XRCC4: variants seen among roughly 807,000 people sequenced by gnomAD.
XRCC4 encodes the protein DNA repair protein XRCC4.
Under a neutral mutation model 39.1 loss-of-function variants are expected in XRCC4, and 28 were observed. The observed-to-expected ratio is 0.72, with a 90% CI of 0.53 to 0.98. The LOEUF (loss-of-function observed/expected upper bound fraction) is 0.98. XRCC4 is among the 50% of genes least tolerant of loss of function. XRCC4 has a pLI of 0.00. For missense variants in XRCC4, 350 were observed against 376.4 expected, an observed-to-expected ratio of 0.93 and a Z score of 0.58; for synonymous variants, 123 against 126.4, an observed-to-expected ratio of 0.97 and a Z score of 0.18.
chr5:83,250,305 T>G lies in XRCC4; in HGVS notation c.746-8225T>G, dbSNP rs138900539. Among the ~76,000 whole-genome samples, 377 of 152,326 alleles carry G rather than the reference T, an allele frequency of 2.5e-3. 3 individuals carry two copies. The highest frequency in any genetic ancestry group is 8.6e-3 in the African/African-American group (358 of 41,584). ...CTTTTCCCCACTAATGTTTTTCTTT[T>G]CTTAATGTTAACTGGAACTGGCACC... On this transcript the variant is annotated intron_variant, in intron 6 of 7. Transcript: ENST00000396027.
intron 3 of XRCC4, among the ~76,000 whole-genome samples, chr5:83,163,341 A>G (rs1310171719): frequency 6.6e-6 from 1 of 152,218 alleles, no homozygotes; most frequent in Non-Finnish European, 1.5e-5. Context: ...AAGGGTCCCA[A>G]ATAAGGGTTA....
At chr5:83,088,130 T>C (rs1745264890) in intron 1 of XRCC4, among the ~76,000 whole-genome samples, 1 of 152,208 alleles carries the variant, frequency 6.6e-6, no homozygotes, top group South Asian at 2.1e-4. Context: ...GTAATTTTTT[T>C]ACCTTAGAAA....
chr5:83,305,050 C>G (rs912183845), intron 7 of XRCC4, among the ~76,000 whole-genome samples: 7 of 152,120 alleles, frequency 4.6e-5, no homozygotes, highest in African/African-American at 1.7e-4. Flanking sequence ...CAGGTAAGAA[C>G]TCTTATGTTA....
chr5:83,113,082 T>C (rs1746524971), intron 3 of XRCC4, among the ~76,000 whole-genome samples: 1 of 152,190 alleles, frequency 6.6e-6, no homozygotes, highest in Admixed American at 6.5e-5. Flanking sequence ...TCCTTCTACC[T>C]ATGAGCTTGT....
At chr5:83,326,465 A>G (rs867543828) in intron 7 of XRCC4, among the ~76,000 whole-genome samples, 1 of 152,036 alleles carries the variant, frequency 6.6e-6, no homozygotes, top group Admixed American at 6.6e-5. Flanking sequence ...TGATGTCCCT[A>G]ATTTTTTAAC....
chr5:83,112,906 G>A (rs1278034911), intron 3 of XRCC4, among the ~76,000 whole-genome samples: 1 of 152,120 alleles, frequency 6.6e-6, no homozygotes, highest in Admixed American at 6.5e-5. Flanking sequence ...TGAGATTTGG[G>A]TGGAGACACA....
At chr5:83,101,743 T>G (rs1419372719) in intron 1 of XRCC4, among the ~76,000 whole-genome samples, 1 of 152,074 alleles carries the variant, frequency 6.6e-6, no homozygotes, top group Non-Finnish European at 1.5e-5. Context: ...CTTGAATACT[T>G]AGAAGAAGAA....
At chr5:83,110,981 T>C in intron 2 of XRCC4, 47 bp from the exon 3 acceptor site, 2 of 1,530,268 alleles carry the variant, frequency 1.3e-6, no homozygotes, top group Admixed American at 4.2e-5. Flanking sequence ...TTCTCATGTG[T>C]AGTCATTTAC....
intron 3 of XRCC4, among the ~76,000 whole-genome samples, chr5:83,113,792 A>C (rs1746567036): frequency 6.6e-6 from 1 of 151,860 alleles, no homozygotes; most frequent in Admixed American, 6.6e-5. Flanking sequence ...ATGCCCAGCT[A>C]ATTTTTTGTA....
intron 7 of XRCC4, among the ~76,000 whole-genome samples, chr5:83,349,787 CA>C (rs893852767): frequency 3.3e-5 from 5 of 152,020 alleles, no homozygotes; most frequent in Admixed American, 6.6e-5. Flanking sequence ...ATTTTAGATA[CA>C]GGGGGTACAT....
Position 83,204,801 on chromosome 5 carries a change from T to TTC in XRCC4, c.639-10_639-9dup. On this transcript the variant is annotated splice_polypyrimidine_tract_variant and intron_variant, in intron 5 of 7. Transcript: ENST00000396027. ...GAGCCAGTTATTTATAATTCTACCT[T>TTC]TCTCTGTTTCTAGGGAAACTGCAAT... 1 of 1,598,964 alleles carries TTC rather than the reference T, an allele frequency of 6.3e-7. No homozygotes were observed. The highest frequency in any genetic ancestry group is 8.5e-7 in the Non-Finnish European group (1 of 1,169,638).
In XRCC4 at chr5:83,269,783, T is replaced by C. The variant is rs188854986; in HGVS notation, c.893+11106T>C. Reference sequence around the variant, plus strand: ...GAATCTTCCCCTTTTTGGAAAATGGTACTACATCTGTACCAGAGGTCCCCA... The same window carrying C: ...GAATCTTCCCCTTTTTGGAAAATGGCACTACATCTGTACCAGAGGTCCCCA... On this transcript the variant is annotated intron_variant, in intron 7 of 7. Coordinates refer to ENST00000396027, the MANE Select transcript of XRCC4 (RefSeq NM_003401.5). Among the ~76,000 whole-genome samples, 12 of 152,216 alleles carry C rather than the reference T, an allele frequency of 7.9e-5. No individual in the cohort carries two copies. The East Asian group carries it at 2.1e-3, about 27-fold the overall frequency.
chr5:83,311,535 C>T (rs1755709659), intron 7 of XRCC4, among the ~76,000 whole-genome samples: 1 of 151,944 alleles, frequency 6.6e-6, no homozygotes, highest in South Asian at 2.1e-4. Flanking sequence ...GAACCTTTGG[C>T]CACAGGAAAT....
intron 1 of XRCC4, among the ~76,000 whole-genome samples, chr5:83,089,335 TC>T (rs1224941241): frequency 2.6e-5 from 4 of 152,232 alleles, no homozygotes; most frequent in African/African-American, 9.6e-5. Context: ...CCAGGCCCTT[TC>T]CATCAGGAGA....
chr5:83,247,115 C>T (rs1050192854), intron 6 of XRCC4, among the ~76,000 whole-genome samples: 65 of 152,320 alleles, frequency 4.3e-4, no homozygotes, highest in African/African-American at 1.4e-3. Context: ...TTTAGTTCCA[C>T]AAACAGTGGT....
chr5:83,351,665 AG>A lies in XRCC4; in HGVS notation c.894-1465del, dbSNP rs28360338. On this transcript the variant is annotated intron_variant, in intron 7 of 7. Coordinates refer to ENST00000396027, the MANE Select transcript of XRCC4 (RefSeq NM_003401.5). Reference sequence around the variant, plus strand: ...TTTAACATCGCAAATCCCAGAGGGTAGTACTTGTCATCTTGAATGCATTAAT... The same window carrying A: ...TTTAACATCGCAAATCCCAGAGGGTATACTTGTCATCTTGAATGCATTAAT... Among the ~76,000 whole-genome samples, 1,389 of 152,304 alleles carry A rather than the reference AG, an allele frequency of 9.1e-3. 15 individuals are homozygous for A. The highest frequency in any genetic ancestry group is 0.031 in the African/African-American group (1,271 of 41,558).
At chr5:83,098,269 A>T (rs2112345409) in intron 1 of XRCC4, among the ~76,000 whole-genome samples, 1 of 152,240 alleles carries the variant, frequency 6.6e-6, no homozygotes, top group South Asian at 2.1e-4. Flanking sequence ...AGATTAATTT[A>T]ATGTCTCCCT....
intron 7 of XRCC4, among the ~76,000 whole-genome samples, chr5:83,308,613 T>G (rs1755572687): frequency 6.6e-6 from 1 of 152,166 alleles, no homozygotes; most frequent in Non-Finnish European, 1.5e-5. Context: ...TCTAAGAACA[T>G]GTAGGTACTT....
chr5:83,160,820 C>T (rs1022657289), intron 3 of XRCC4, among the ~76,000 whole-genome samples: 1 of 152,036 alleles, frequency 6.6e-6, no homozygotes, highest in Non-Finnish European at 1.5e-5. Context: ...CCCGCCACCC[C>T]CTTCTTTTAA....
Sources: allele counts gnomAD v4.1 joint callset (sites outside exome capture counted in the v4.1 genomes callset), GRCh38; gene constraint gnomAD v4.1.1; transcripts MANE v1.5; gene names NCBI Gene and HGNC (gene_info 2026-07-23, HGNC 2026-07-21).